Variants in AUH observed in about 807,000 individuals in gnomAD.
AUH encodes the protein methylglutaconyl-CoA hydratase, mitochondrial.
A neutral mutation model predicts 42.3 loss-of-function variants in AUH; 29 were observed. The ratio of observed to expected loss-of-function variants is 0.69; its 90% CI spans 0.51 to 0.93. AUH has a LOEUF of 0.93. AUH is among the 40% of genes least tolerant of loss of function. AUH has a pLI of 0.00. For synonymous variants in AUH, 174 were observed against 166.4 expected (o/e 1.05, Z -0.35); for missense variants, 452 against 438.1 (o/e 1.03, Z -0.28).
In AUH at chr9:91,291,729, T is replaced by C. The variant is rs537310885; in HGVS notation, c.655+4292A>G. Among the ~76,000 whole-genome samples, 4 of 152,356 alleles carry C rather than the reference T, an allele frequency of 2.6e-5. No individual in the cohort carries two copies. In the South Asian group the frequency reaches 8.3e-4, roughly 32 times the overall value. ...CCTATCAGAATAAATACTCTTTTAA[T>C]GATAAGGTTAACCACACAATTTTAA... On this transcript the variant is annotated intron_variant, in intron 6 of 9. Transcript: ENST00000375731.
intron 4 of AUH, among the ~76,000 whole-genome samples, chr9:91,299,275 T>C (rs1463113741): frequency 6.6e-6 from 1 of 152,154 alleles, no homozygotes; most frequent in Admixed American, 6.5e-5. Flanking sequence ...AATCTCTCTC[T>C]TCCATTCTGA....
chr9:91,263,709 G>A (rs7043552), intron 6 of AUH, among the ~76,000 whole-genome samples: 17,470 of 151,982 alleles, frequency 0.11, 1,134 homozygotes, highest in African/African-American at 0.17. Flanking sequence ...GACTATTCTT[G>A]TATTTCATTC....
At chr9:91,315,937 G>C (rs1054325519) in intron 4 of AUH, among the ~76,000 whole-genome samples, 4 of 152,098 alleles carry the variant, frequency 2.6e-5, no homozygotes, top group African/African-American at 9.7e-5. Flanking sequence ...AATGCTATTA[G>C]TTTTATAAAA....
At chr9:91,337,123 C>G (rs376237215) in intron 3 of AUH, among the ~76,000 whole-genome samples, 1 of 152,172 alleles carries the variant, frequency 6.6e-6, no homozygotes, top group African/African-American at 2.4e-5. Context: ...ATGGTCCCTC[C>G]CCACTGCCCA....
chr9:91,340,355 A>G (rs193096740), intron 3 of AUH, among the ~76,000 whole-genome samples: 2 of 152,380 alleles, frequency 1.3e-5, no homozygotes, highest in East Asian at 1.9e-4. Flanking sequence ...AGTCACAAAA[A>G]GGTAACAAAC....
At chr9:91,251,748 T>C (rs998872853) in intron 6 of AUH, among the ~76,000 whole-genome samples, 3 of 152,182 alleles carry the variant, frequency 2.0e-5, no homozygotes, top group African/African-American at 7.2e-5. Context: ...TAAATTCTTA[T>C]ACTGATCAAG....
At chr9:91,298,497 CAG>C (rs1827526996) in intron 4 of AUH, among the ~76,000 whole-genome samples, 1 of 152,188 alleles carries the variant, frequency 6.6e-6, no homozygotes. Context: ...CTTGGAATGA[CAG>C]AGTCTCATTC....
intron 3 of AUH, among the ~76,000 whole-genome samples, chr9:91,325,708 G>A (rs1256686063): frequency 6.6e-6 from 1 of 152,106 alleles, no homozygotes; most frequent in African/African-American, 2.4e-5. Flanking sequence ...TACTCTATTA[G>A]AAATCAAAAC....
At position 91,329,118 on chromosome 9, in the gene AUH, G is replaced by A. The variant is rs181124740; in HGVS notation, c.419-3714C>T. Among the ~76,000 whole-genome samples the A allele has an allele frequency of 1.7e-4, 26 of 152,052 alleles. No homozygotes were observed. The South Asian group carries it at 2.9e-3, about 17-fold the overall frequency. Reference sequence around the variant, plus strand: ...TATTCCACTGTATGAACATATAAACGTTTTGCTTATCCCTTCATCGGATGA... The same window carrying A: ...TATTCCACTGTATGAACATATAAACATTTTGCTTATCCCTTCATCGGATGA... On this transcript the variant is annotated intron_variant, in intron 3 of 9. Transcript: ENST00000375731.
chr9:91,291,924 A>C (rs1260142475), intron 6 of AUH, among the ~76,000 whole-genome samples: 1 of 2,952 alleles, frequency 3.4e-4, no homozygotes. Flanking sequence ...CTCCGTGTCA[A>C]AAAAAAAAAA....
intron 4 of AUH, among the ~76,000 whole-genome samples, chr9:91,299,086 C>T (rs1348214916): frequency 1.3e-5 from 2 of 152,048 alleles, no homozygotes; most frequent in Non-Finnish European, 2.9e-5. Context: ...GGCATGATGG[C>T]GGGTGCCTGT....
At chr9:91,335,146 T>A (rs1381825397) in intron 3 of AUH, among the ~76,000 whole-genome samples, 1 of 152,214 alleles carries the variant, frequency 6.6e-6, no homozygotes, top group Non-Finnish European at 1.5e-5. Context: ...ACTGGAATTA[T>A]CTGCTCCATG....
chr9:91,222,798 C>T (rs183516595), intron 6 of AUH, among the ~76,000 whole-genome samples: 1 of 152,244 alleles, frequency 6.6e-6, no homozygotes, highest in East Asian at 1.9e-4. Context: ...TCATGATAAG[C>T]ATATTAGGAA....
At chr9:91,319,933 C>T (rs558917449) in intron 4 of AUH, among the ~76,000 whole-genome samples, 50 of 152,288 alleles carry the variant, frequency 3.3e-4, no homozygotes, top group African/African-American at 1.2e-3. Flanking sequence ...AACAAACTTT[C>T]ACTCCTGCTC....
chr9:91,220,732 G>T, intron 7 of AUH, 73 bp downstream of exon 7: 2 of 1,540,686 alleles, frequency 1.3e-6, no homozygotes, highest in South Asian at 2.3e-5. Context: ...TAGGCAAGAT[G>T]ACTGCTGTTT....
At chr9:91,291,314 G>A (rs566184210) in intron 6 of AUH, among the ~76,000 whole-genome samples, 1 of 152,004 alleles carries the variant, frequency 6.6e-6, no homozygotes, top group Non-Finnish European at 1.5e-5. Context: ...CTGTTGGGGG[G>A]GTGGGGGTGG....
chr9:91,361,864 G>T lies in AUH; in HGVS notation c.26C>A (p.Pro9His). The T allele has an allele frequency of 1.3e-5, 19 of 1,474,620 alleles. No homozygotes were observed. The highest frequency in any genetic ancestry group is 1.6e-5 in the Non-Finnish European group (18 of 1,119,244). 91.3% of individuals were successfully genotyped at this position (1,474,620 alleles called of 1,614,324 possible). The change falls in exon 1 of 10, where the codon CCT (proline) becomes CAT (histidine). Residue 9 changes from proline (P) to histidine (H), a missense_variant. Transcript: ENST00000375731. The part of the protein sequence containing the change: MAAAVAAA[P>H]GALGSLHAGG... ...AGCATGCAGGGATCCCAAGGCCCCAGGTGCCGCCGCCACCGCGGCCGCCAT... is the reference window on the plus strand; with the variant it reads ...AGCATGCAGGGATCCCAAGGCCCCATGTGCCGCCGCCACCGCGGCCGCCAT...
At chr9:91,215,378 C>T (rs551903766) in intron 9 of AUH, among the ~76,000 whole-genome samples, 14 of 152,228 alleles carry the variant, frequency 9.2e-5, no homozygotes, top group African/African-American at 2.4e-4. Context: ...ATATTACCTA[C>T]GCACATCCTC....
rs377744301 is a variant in AUH at position 91,286,005 on chromosome 9, C to CT, written c.655+10015dup. Among the ~76,000 whole-genome samples the CT allele has an allele frequency of 3.6e-3, 552 of 151,852 alleles. 6 individuals carry two copies. The highest frequency in any genetic ancestry group is 0.013 in the African/African-American group (527 of 41,400). ...TTTTAAAAAAAATCGTTTTGTTATGCTTTTTTTTCTTCCTGGAATAGTATG... is the reference window on the plus strand; with the variant it reads ...TTTTAAAAAAAATCGTTTTGTTATGCTTTTTTTTTCTTCCTGGAATAGTATG... On this transcript the variant is annotated intron_variant, in intron 6 of 9. Coordinates refer to ENST00000375731, the MANE Select transcript of AUH (RefSeq NM_001698.3).
Sources: allele counts gnomAD v4.1 joint callset (sites outside exome capture counted in the v4.1 genomes callset), GRCh38; gene constraint gnomAD v4.1.1; transcripts MANE v1.5; gene names NCBI Gene and HGNC (gene_info 2026-07-23, HGNC 2026-07-21).